The following SMCHD1 variants were observed in gnomAD, a reference collection of about 807,000 sequenced individuals.
The protein encoded by SMCHD1 is structural maintenance of chromosomes flexible hinge domain containing 1.
In SMCHD1, 78 loss-of-function variants were observed where a neutral mutation model predicts 254.7. The observed-to-expected ratio is 0.31, with a 90% CI of 0.26 to 0.37. The LOEUF (loss-of-function observed/expected upper bound fraction) is 0.37. SMCHD1 is among the 10% of genes least tolerant of loss of function. The pLI, the probability that SMCHD1 is intolerant of heterozygous loss-of-function variation, is 1.00. For synonymous variants in SMCHD1, 766 were observed against 794.9 expected (o/e 0.96, Z 0.61); for missense variants, 1,840 against 2,408.1 (o/e 0.76, Z 4.94).
chr18:2,737,719 A>T (rs2075277077), intron 25 of SMCHD1, among the ~76,000 whole-genome samples: 2 of 152,218 alleles, frequency 1.3e-5, no homozygotes, highest in South Asian at 4.1e-4. Flanking sequence ...AAAACCAAAA[A>T]TAAAAATAGA....
chr18:2,744,868 C>T (rs1225595065), intron 29 of SMCHD1, among the ~76,000 whole-genome samples: 2 of 152,128 alleles, frequency 1.3e-5, no homozygotes, highest in African/African-American at 4.8e-5. Context: ...AAGAGTTTCA[C>T]TCTTGTTACC....
chr18:2,742,524 A>G (rs1303572303), intron 28 of SMCHD1, among the ~76,000 whole-genome samples: 3 of 152,166 alleles, frequency 2.0e-5, no homozygotes, highest in Non-Finnish European at 4.4e-5. Context: ...CTATTTAATT[A>G]GTTTTCTGAA....
In SMCHD1 at chr18:2,678,255, C is replaced by CGTTCTT. The variant is rs746858753; in HGVS notation, c.638+4110_638+4111insGTTCTT. 8.2e-3 allele frequency among the ~76,000 whole-genome samples: 984 copies of CGTTCTT among 119,430 alleles called. 7 individuals are homozygous for CGTTCTT. Among genetic ancestry groups the CGTTCTT allele is most frequent in the South Asian group, 0.026 (97 of 3,736 alleles). The allele number at this position is 119,430 out of a possible 152,430, so 78.4% of individuals were successfully genotyped here. A position where few individuals can be genotyped will look rare whatever the true frequency, so the allele number is the denominator to read the frequency against. ...TCTTTCTTTCTTTCGTTCTTTCTTT[C>CGTTCTT]TCTCTCTCTCTCTCTCTCCCTCTCT... On this transcript the variant is annotated intron_variant, in intron 5 of 47. Coordinates refer to ENST00000320876, the MANE Select transcript of SMCHD1 (RefSeq NM_015295.3).
At position 2,732,274 on chromosome 18, in the gene SMCHD1, G is replaced by T; in HGVS notation, c.3058G>T (p.Asp1020Tyr). The T allele has an allele frequency of 6.2e-7, 1 of 1,613,110 alleles. No individual in the cohort carries two copies. The highest frequency in any genetic ancestry group is 2.2e-5 in the East Asian group (1 of 44,816). ...TTTCTTCTCTTTCTAGAGTTGTAAAGATGTGGCACCTGTGGAGAAGACTAT... is the reference window on the plus strand; with the variant it reads ...TTTCTTCTCTTTCTAGAGTTGTAAATATGTGGCACCTGTGGAGAAGACTAT... ...KARIEIPSCK[D>Y]VAPVEKTIKL... is the part of the protein sequence containing the mutation. The change falls in exon 25 of 48, where the codon GAT (aspartate) becomes TAT (tyrosine). Residue 1020 changes from aspartate to tyrosine, a missense_variant. By Grantham distance (160) the Asp-to-Tyr change is radical. Around this residue, in one of 9 missense-constraint regions of SMCHD1, gnomAD observed 881 missense variants for 1,009.5 expected, o/e 0.87. Coordinates refer to ENST00000320876, the MANE Select transcript of SMCHD1 (RefSeq NM_015295.3).
intron 30 of SMCHD1, among the ~76,000 whole-genome samples, chr18:2,748,372 GTGTGTGTGTGTATA>G (rs372674703): frequency 0.05 from 2,350 of 47,138 alleles, 187 homozygotes; most frequent in East Asian, 0.33. Flanking sequence ...GTGTGTGTGT[GTGTGTGTGTGTATA>G]TAAATTTTTT....
Position 2,728,362 on chromosome 18 carries a change from A to G in SMCHD1, c.2774-95A>G, listed in dbSNP as rs551612526. 1.3e-5 allele frequency: 16 copies of G among 1,220,336 alleles called. No individual in the cohort carries two copies. The East Asian group carries it at 3.9e-4, about 30-fold the overall frequency. 75.6% of individuals were successfully genotyped at this position (1,220,336 alleles called of 1,614,324 possible). On this transcript the variant is annotated intron_variant, in intron 22 of 47. Transcript: ENST00000320876. ...TCTTTCTTGGCAATATTTATAAAAT[A>G]TTAAGTCTTTAATGTTAAAGTTATT...
chr18:2,675,333 C>T (rs148496345), intron 5 of SMCHD1, among the ~76,000 whole-genome samples: 5 of 145,556 alleles, frequency 3.4e-5, no homozygotes, highest in Non-Finnish European at 5.9e-5. Flanking sequence ...TGTGCAATCT[C>T]GGCTCACTGC....
chr18:2,657,781 C>T (rs930459560), intron 1 of SMCHD1, among the ~76,000 whole-genome samples: 4 of 152,108 alleles, frequency 2.6e-5, no homozygotes, highest in Non-Finnish European at 4.4e-5. Flanking sequence ...TTTACATAAC[C>T]GAATCTCTCC....
chr18:2,703,576 T>C (rs1308916100), intron 12 of SMCHD1, 116 bp from the exon 13 acceptor site: 2 of 766,242 alleles, frequency 2.6e-6, no homozygotes, highest in African/African-American at 3.6e-5. Context: ...TAATTTTTTA[T>C]TAGGTTTTCT....
chr18:2,739,164 A>G (rs751033023), intron 26 of SMCHD1, among the ~76,000 whole-genome samples: 19 of 152,220 alleles, frequency 1.2e-4, no homozygotes, highest in Non-Finnish European at 2.2e-4. Flanking sequence ...TTTTCTTGTC[A>G]TAATTTCCTT....
chr18:2,676,017 T>G (rs953160340), intron 5 of SMCHD1, among the ~76,000 whole-genome samples: 3 of 152,222 alleles, frequency 2.0e-5, no homozygotes, highest in African/African-American at 7.2e-5. Flanking sequence ...TATCAGTTCC[T>G]TGACCCACTC....
In SMCHD1 at chr18:2,728,759, G is replaced by A. The variant is rs192817354; in HGVS notation, c.2913+163G>A. 1.2e-3 allele frequency: 796 copies of A among 657,636 alleles called. 3 individuals are homozygous for A. The highest frequency in any genetic ancestry group is 0.012 in the East Asian group (358 of 30,718). The allele number at this position is 657,636 out of a possible 1,614,324, so 40.7% of individuals were successfully genotyped here. A position where few individuals can be genotyped will look rare whatever the true frequency, so the allele number is the denominator to read the frequency against. ...TGCCAATAGTTTTTTTTTTTTAATC[G>A]TACCTAAACCAATAAAGATGCCAAC... On this transcript the variant is annotated intron_variant, in intron 23 of 47. Coordinates refer to ENST00000320876, the MANE Select transcript of SMCHD1 (RefSeq NM_015295.3).
chr18:2,687,789 C>G (rs2074085604), intron 5 of SMCHD1, among the ~76,000 whole-genome samples: 1 of 152,056 alleles, frequency 6.6e-6, no homozygotes, highest in African/African-American at 2.4e-5. Context: ...TTCTCTAATT[C>G]TCTCCAGCTA....
At chr18:2,761,005 C>A (rs1240269567) in intron 35 of SMCHD1, among the ~76,000 whole-genome samples, 1 of 152,120 alleles carries the variant, frequency 6.6e-6, no homozygotes. Context: ...AAAGACTCAG[C>A]ATTTTAGTGT....
At chr18:2,788,184 A>C (rs1308150987) in intron 45 of SMCHD1, among the ~76,000 whole-genome samples, 1 of 152,236 alleles carries the variant, frequency 6.6e-6, no homozygotes, top group African/African-American at 2.4e-5. Context: ...AGTTATAAGC[A>C]AAGTATTTGT....
At chr18:2,703,606 GA>G in intron 12 of SMCHD1, 85 bp from the exon 13 acceptor site, 2 of 1,162,848 alleles carry the variant, frequency 1.7e-6, no homozygotes, top group African/African-American at 1.6e-5. Context: ...TATATGAAAG[GA>G]AAAAAATAAA....
chr18:2,747,415 C>A, intron 29 of SMCHD1, 107 bp from the exon 30 acceptor site: 2 of 994,688 alleles, frequency 2.0e-6, no homozygotes, highest in Non-Finnish European at 1.4e-6. Context: ...AAGCCATTTG[C>A]AAATAGAACA....
intron 34 of SMCHD1, among the ~76,000 whole-genome samples, chr18:2,756,428 G>C (rs546096277): frequency 6.6e-6 from 1 of 152,264 alleles, no homozygotes. Context: ...AATCTTAAGA[G>C]TGTTATTCCT....
chr18:2,693,716 C>T (rs1211670699), intron 7 of SMCHD1, among the ~76,000 whole-genome samples: 4 of 152,190 alleles, frequency 2.6e-5, no homozygotes, highest in South Asian at 2.1e-4. Flanking sequence ...ACTGCAACCT[C>T]AGCCTCCCGG....
Sources: allele counts gnomAD v4.1 joint callset (sites outside exome capture counted in the v4.1 genomes callset), GRCh38; gene constraint gnomAD v4.1.1; regional missense constraint gnomAD v4.1.1; transcripts MANE v1.5; gene names NCBI Gene and HGNC (gene_info 2026-07-23, HGNC 2026-07-21).